Variants in ELAPOR1 observed in about 807,000 individuals in gnomAD.
ELAPOR1 encodes endosome-lysosome associated apoptosis and autophagy regulator 1, also known as endosome/lysosome-associated apoptosis and autophagy regulator 1.
ELAPOR1 carries 77 observed loss-of-function variants against 119.7 expected under a neutral mutation model. That is an observed-to-expected ratio of 0.64 (90% CI 0.54 to 0.78). The LOEUF is 0.78. Among genes scored for constraint, ELAPOR1 ranks in the 30% least tolerant of loss-of-function variants. The pLI is 0.00. For missense variants in ELAPOR1, 1,115 were observed against 1,270.4 expected, an observed-to-expected ratio of 0.88 and a Z score of 1.86; for synonymous variants, 481 against 487.2, an observed-to-expected ratio of 0.99 and a Z score of 0.17.
intron 18 of ELAPOR1, 134 bp from the exon 19 acceptor site, chr1:109,199,720 A>G (rs1398706359): frequency 7.8e-6 from 8 of 1,027,340 alleles, no homozygotes; most frequent in Non-Finnish European, 1.1e-5. Flanking sequence ...GACTAGTTGG[A>G]AGGATCCTGG....
At position 109,118,900 on chromosome 1, in the gene ELAPOR1, C is replaced by CTTTTTTTTT. The variant is rs777752743; in HGVS notation, c.153+4571_153+4579dup. 4.1e-4 allele frequency among the ~76,000 whole-genome samples: 53 copies of CTTTTTTTTT among 128,194 alleles called. 2 individuals carry two copies. Among genetic ancestry groups the CTTTTTTTTT allele is most frequent in the East Asian group, 1.3e-3 (6 of 4,468 alleles). The allele number at this position is 128,194 out of a possible 152,430, so 84.1% of individuals were successfully genotyped here. A position where few individuals can be genotyped will look rare whatever the true frequency, so the allele number is the denominator to read the frequency against. On this transcript the variant is annotated intron_variant, in intron 1 of 21. Coordinates refer to ENST00000369939, the MANE Select transcript of ELAPOR1 (RefSeq NM_020775.5). ...CTGTTTCCTCCTGTATTTGGTTCTT[C>CTTTTTTTTT]TTTTTTTTTTTTTTTGAGACGGAGT...
chr1:109,170,600 T>C (rs1392040719), intron 3 of ELAPOR1, among the ~76,000 whole-genome samples: 1 of 152,080 alleles, frequency 6.6e-6, no homozygotes, highest in Non-Finnish European at 1.5e-5. Context: ...GGCAGAGGAA[T>C]TGAAAGAAAT....
chr1:109,145,806 G>T (rs1650141678), intron 1 of ELAPOR1, among the ~76,000 whole-genome samples: 1 of 152,158 alleles, frequency 6.6e-6, no homozygotes, highest in South Asian at 2.1e-4. Context: ...CAGTTGCTGG[G>T]ACTACAGACA....
chr1:109,180,686 C>T (rs1328645706), intron 7 of ELAPOR1, among the ~76,000 whole-genome samples: 1 of 152,126 alleles, frequency 6.6e-6, no homozygotes, highest in Non-Finnish European at 1.5e-5. Flanking sequence ...AATACTCAGG[C>T]CAGCACTATG....
At position 109,127,090 on chromosome 1, in the gene ELAPOR1, T is replaced by C. The variant is rs144410050; in HGVS notation, c.153+12754T>C. ...ACATTTCTTTCTTAAGCTCTCCTTC[T>C]ATGTCATACCAGATAAAAGAACACA... On this transcript the variant is annotated intron_variant, in intron 1 of 21. Coordinates refer to ENST00000369939, the MANE Select transcript of ELAPOR1 (RefSeq NM_020775.5). Among the ~76,000 whole-genome samples the C allele has an allele frequency of 5.3e-5, 8 of 152,208 alleles. No homozygotes were observed. The East Asian group carries it at 1.5e-3, about 29-fold the overall frequency.
intron 1 of ELAPOR1, among the ~76,000 whole-genome samples, chr1:109,128,149 A>G (rs1446557668): frequency 1.3e-5 from 2 of 152,146 alleles, no homozygotes; most frequent in Non-Finnish European, 2.9e-5. Context: ...CTGGGATTCC[A>G]CGCATCAGCC....
At position 109,200,056 on chromosome 1, in the gene ELAPOR1, C is replaced by T; in HGVS notation, c.2629-3C>T. The stretch of plus-strand genomic sequence containing the variant: ...CTGAGTTCCTTGTTTTTCTCCCCAA[C>T]AGAAGACTACTTACGTGTGGCGAGA... On this transcript the variant is annotated splice_region_variant and splice_polypyrimidine_tract_variant and intron_variant, in intron 19 of 21. Transcript: ENST00000369939. 2 of 1,613,754 alleles carry T rather than the reference C, an allele frequency of 1.2e-6. No individual in the cohort carries two copies. The highest frequency in any genetic ancestry group is 1.7e-6 in the Non-Finnish European group (2 of 1,179,654).
chr1:109,144,994 C>T (rs1018627728), intron 1 of ELAPOR1, among the ~76,000 whole-genome samples: 2 of 152,066 alleles, frequency 1.3e-5, no homozygotes, highest in Non-Finnish European at 2.9e-5. Context: ...TTAAATAGGT[C>T]TCCTCAAAAT....
intron 1 of ELAPOR1, among the ~76,000 whole-genome samples, chr1:109,136,936 T>G (rs911853526): frequency 6.6e-6 from 1 of 152,172 alleles, no homozygotes; most frequent in Non-Finnish European, 1.5e-5. Context: ...CAGTTTGTGA[T>G]CTTTGCCCCA....
Position 109,200,185 on chromosome 1 carries a change from A to G in ELAPOR1, c.2755A>G (p.Thr919Ala). ...LKVGISAGTC[T>A]AILLTVLTCY... is the part of the protein sequence containing the mutation. ...AGTGGGCATCTCTGCAGGCACCTGT[A>G]CTGCCATCCTGCTCACCGTCTTGAC... Residue 919 changes from threonine to alanine, a missense_variant, in exon 20 of 22, where the codon ACT becomes GCT. Coordinates refer to ENST00000369939, the MANE Select transcript of ELAPOR1 (RefSeq NM_020775.5). 1.2e-6 allele frequency: 2 copies of G among 1,614,224 alleles called. No individual in the cohort carries two copies. The highest frequency in any genetic ancestry group is 1.1e-5 in the South Asian group (1 of 91,082).
Position 109,154,774 on chromosome 1 carries a change from G to T in ELAPOR1, c.154-7120G>T, listed in dbSNP as rs2101026831. Among the ~76,000 whole-genome samples the T allele has an allele frequency of 2.0e-5, 3 of 152,374 alleles. 1 individual carries two copies. Among genetic ancestry groups the T allele is most frequent in the Admixed American group, 2.0e-4 (3 of 15,298 alleles). ...TCCGTGTCTTCTTAGCTCTGCTGTTGCAGGGGTTATTTCGAAGCAACTAGG... is the reference window on the plus strand; with the variant it reads ...TCCGTGTCTTCTTAGCTCTGCTGTTTCAGGGGTTATTTCGAAGCAACTAGG... On this transcript the variant is annotated intron_variant, in intron 1 of 21. Coordinates refer to ENST00000369939, the MANE Select transcript of ELAPOR1 (RefSeq NM_020775.5).
At chr1:109,190,236 C>T (rs925480737) in intron 11 of ELAPOR1, among the ~76,000 whole-genome samples, 2 of 152,164 alleles carry the variant, frequency 1.3e-5, no homozygotes, top group African/African-American at 4.8e-5. Flanking sequence ...ACTGGCCGTG[C>T]GACCTTAGGA....
At chr1:109,175,085 C>G (rs1452765078) in intron 7 of ELAPOR1, among the ~76,000 whole-genome samples, 1 of 152,084 alleles carries the variant, frequency 6.6e-6, no homozygotes, top group Non-Finnish European at 1.5e-5. Flanking sequence ...GTCTCGAACT[C>G]CTGACCTCAA....
chr1:109,150,468 G>A (rs990492884), intron 1 of ELAPOR1, among the ~76,000 whole-genome samples: 3 of 152,166 alleles, frequency 2.0e-5, no homozygotes, highest in African/African-American at 4.8e-5. Flanking sequence ...TTGCTTCTTC[G>A]ACTGCTGCTG....
Position 109,203,244 on chromosome 1 carries a change from G to T in ELAPOR1, c.*232G>T, listed in dbSNP as rs949417579. 2 of 505,252 alleles carry T rather than the reference G, an allele frequency of 4.0e-6. No individual in the cohort carries two copies. The highest frequency in any genetic ancestry group is 3.7e-5 in the East Asian group (1 of 27,012). The allele number at this position is 505,252 out of a possible 1,614,324, so 31.3% of individuals were successfully genotyped here. On this transcript the variant is annotated 3_prime_UTR_variant, in exon 22 of 22. Transcript: ENST00000369939. ...TTGTTTGTAAATTATGCCCTTGCTTGTATCTTGTTTCCCAAAATGGCCCAT... is the reference window on the plus strand; with the variant it reads ...TTGTTTGTAAATTATGCCCTTGCTTTTATCTTGTTTCCCAAAATGGCCCAT...
chr1:109,202,447 T>A (rs1204108234), intron 21 of ELAPOR1, among the ~76,000 whole-genome samples: 129 of 147,544 alleles, frequency 8.7e-4, no homozygotes, highest in Middle Eastern at 7.4e-3. Context: ...AGAAAAAAAT[T>A]TTTTTTTTTT....
chr1:109,177,372 T>G, intron 7 of ELAPOR1, among the ~76,000 whole-genome samples: 1 of 115,744 alleles, frequency 8.6e-6, no homozygotes, highest in Non-Finnish European at 1.7e-5. Context: ...GGCTCCTCAC[T>G]TCTCAGACGG....
At chr1:109,145,645 G>A (rs925329712) in intron 1 of ELAPOR1, among the ~76,000 whole-genome samples, 1 of 152,078 alleles carries the variant, frequency 6.6e-6, no homozygotes, top group Non-Finnish European at 1.5e-5. Flanking sequence ...AACAGAGCAA[G>A]AGACTCTGTC....
chr1:109,184,431 C>T (rs983478624), intron 7 of ELAPOR1, among the ~76,000 whole-genome samples: 3 of 152,046 alleles, frequency 2.0e-5, no homozygotes, highest in Admixed American at 2.0e-4. Context: ...TGGGAAGAAC[C>T]TTATGTGTTA....
Sources: gnomAD v4.1 joint callset for allele counts (sites outside exome capture counted in the v4.1 genomes callset) on GRCh38, gnomAD v4.1.1 for gene constraint, MANE v1.5 for transcripts, NCBI Gene and HGNC (gene_info 2026-07-23, HGNC 2026-07-21) for gene names.